Variants in ZMIZ1 observed in about 807,000 individuals in gnomAD.
ZMIZ1 encodes the protein zinc finger MIZ domain-containing protein 1.
Under a neutral mutation model 113.9 loss-of-function variants are expected in ZMIZ1, and 17 were observed. The observed-to-expected ratio is 0.15, with a 90% CI of 0.10 to 0.22. The LOEUF (loss-of-function observed/expected upper bound fraction) is 0.22. ZMIZ1 is among the 10% of genes least tolerant of loss of function. The pLI is 1.00. For missense variants in ZMIZ1, 1,059 were observed against 1,477.8 expected, an observed-to-expected ratio of 0.72 and a Z score of 4.65; for synonymous variants, 607 against 603.1, an observed-to-expected ratio of 1.01 and a Z score of -0.09.
At chr10:79,312,003 C>T (rs1054011959) in intron 24 of ZMIZ1, among the ~76,000 whole-genome samples, 2 of 152,222 alleles carry the variant, frequency 1.3e-5, no homozygotes, top group African/African-American at 2.4e-5. Context: ...CACTGTGCAG[C>T]CATCTCAGGT....
At chr10:79,172,136 C>T (rs1485665119) in intron 4 of ZMIZ1, among the ~76,000 whole-genome samples, 1 of 152,098 alleles carries the variant, frequency 6.6e-6, no homozygotes, top group Non-Finnish European at 1.5e-5. Context: ...AGCTCAGCCT[C>T]ATTCACTGGA....
chr10:79,315,762 G>A lies in ZMIZ1; in HGVS notation c.*3013G>A, dbSNP rs183600899. On this transcript the variant is annotated 3_prime_UTR_variant, in exon 25 of 25. Coordinates refer to ENST00000334512, the MANE Select transcript of ZMIZ1 (RefSeq NM_020338.4). ...TGTCAACAGCAGCGACTCAAGGGAC[G>A]TGTGTACATATGTAAATGAGAAATA... is the stretch of plus-strand genomic sequence containing the variant. 10 of 152,876 alleles carry A rather than the reference G, an allele frequency of 6.5e-5. No individual in the cohort carries two copies. The highest frequency in any genetic ancestry group is 1.4e-4 in the African/African-American group (6 of 41,568). The allele number at this position is 152,876 out of a possible 1,614,324, so 9.5% of individuals were successfully genotyped here.
rs1419304172 is a variant in ZMIZ1 at position 79,316,281 on chromosome 10, A to T, written c.*3532A>T. On this transcript the variant is annotated 3_prime_UTR_variant, in exon 25 of 25. Coordinates refer to ENST00000334512, the MANE Select transcript of ZMIZ1 (RefSeq NM_020338.4). ...TTTCATACTTTAAACTGGTCAAAAA[A>T]CTAATTGTGATTTCTAGTCTTGCAA... The T allele has an allele frequency of 6.6e-6, 1 of 152,602 alleles. No individual in the cohort carries two copies. Among genetic ancestry groups the T allele is most frequent in the East Asian group, 1.9e-4 (1 of 5,338 alleles). 9.5% of individuals were successfully genotyped at this position (152,602 alleles called of 1,614,324 possible).
At chr10:79,134,791 A>C (rs778282636) in intron 2 of ZMIZ1, among the ~76,000 whole-genome samples, 3 of 151,216 alleles carry the variant, frequency 2.0e-5, no homozygotes, top group Non-Finnish European at 3.0e-5. Context: ...AGGCTAAGTA[A>C]AAAAAAAAGT....
chr10:79,117,678 C>G (rs1462602300), intron 1 of ZMIZ1, among the ~76,000 whole-genome samples: 3 of 152,188 alleles, frequency 2.0e-5, no homozygotes, highest in Non-Finnish European at 1.5e-5. Flanking sequence ...GGGTAAGAGA[C>G]CCTTCCAAAC....
intron 1 of ZMIZ1, among the ~76,000 whole-genome samples, chr10:79,098,542 A>G (rs1418996170): frequency 1.3e-5 from 2 of 152,250 alleles, no homozygotes; most frequent in South Asian, 2.1e-4. Context: ...TGCCTGGTCC[A>G]TTGCAAGCAC....
intron 8 of ZMIZ1, among the ~76,000 whole-genome samples, chr10:79,284,104 A>C (rs1003847898): frequency 6.6e-6 from 1 of 152,250 alleles, no homozygotes; most frequent in Non-Finnish European, 1.5e-5. Context: ...ATGTGTGTGT[A>C]GATGCTGCCA....
At chr10:79,194,856 C>T (rs1018934496) in intron 4 of ZMIZ1, among the ~76,000 whole-genome samples, 1 of 152,224 alleles carries the variant, frequency 6.6e-6, no homozygotes, top group African/African-American at 2.4e-5. Flanking sequence ...TAGACACCCT[C>T]GCTCTGCTGG....
At chr10:79,188,545 C>G (rs773560596) in intron 4 of ZMIZ1, among the ~76,000 whole-genome samples, 1 of 152,168 alleles carries the variant, frequency 6.6e-6, no homozygotes, top group Non-Finnish European at 1.5e-5. Context: ...GGCTTCTCTT[C>G]GCACAGACGT....
intron 5 of ZMIZ1, among the ~76,000 whole-genome samples, chr10:79,207,851 T>G (rs1848384856): frequency 6.6e-6 from 1 of 151,856 alleles, no homozygotes; most frequent in South Asian, 2.1e-4. Context: ...TTGATGGCGG[T>G]GGCTGGGCAG....
At chr10:79,267,454 T>C (rs190937882) in intron 7 of ZMIZ1, among the ~76,000 whole-genome samples, 1 of 152,382 alleles carries the variant, frequency 6.6e-6, no homozygotes, top group African/African-American at 2.4e-5. Flanking sequence ...CATGTAATGC[T>C]TTCTACATGC....
At chr10:79,137,588 G>A (rs1168872905) in intron 2 of ZMIZ1, among the ~76,000 whole-genome samples, 3 of 152,336 alleles carry the variant, frequency 2.0e-5, no homozygotes, top group South Asian at 4.1e-4. Context: ...TACAGTGGTC[G>A]TTGAGTGGCT....
At chr10:79,166,928 C>T (rs146194973) in intron 4 of ZMIZ1, among the ~76,000 whole-genome samples, 100 of 152,358 alleles carry the variant, frequency 6.6e-4, no homozygotes, top group African/African-American at 2.2e-3. Flanking sequence ...TCAAAGTCAC[C>T]GCCATCTGGC....
At chr10:79,084,212 A>T (rs1455933838) in intron 1 of ZMIZ1, among the ~76,000 whole-genome samples, 1 of 152,188 alleles carries the variant, frequency 6.6e-6, no homozygotes, top group African/African-American at 2.4e-5. Context: ...CTCTCCCCTG[A>T]CACTCTCAGG....
chr10:79,115,999 G>C (rs909497256), intron 1 of ZMIZ1, among the ~76,000 whole-genome samples: 7 of 152,318 alleles, frequency 4.6e-5, no homozygotes, highest in African/African-American at 1.7e-4. Flanking sequence ...CATGGGTCTT[G>C]CAATTTTGTT....
At chr10:79,122,869 C>T (rs915471588) in intron 2 of ZMIZ1, among the ~76,000 whole-genome samples, 2 of 152,210 alleles carry the variant, frequency 1.3e-5, no homozygotes, top group African/African-American at 4.8e-5. Context: ...CCTCATCTTG[C>T]AGCATTTGGG....
chr10:79,252,536 C>G (rs1353329559), intron 7 of ZMIZ1, among the ~76,000 whole-genome samples: 1 of 152,166 alleles, frequency 6.6e-6, no homozygotes, highest in African/African-American at 2.4e-5. Flanking sequence ...CTGGACACCT[C>G]CCCAGTCTTG....
At chr10:79,291,928 C>T (rs1174469538) in intron 10 of ZMIZ1, among the ~76,000 whole-genome samples, 1 of 152,206 alleles carries the variant, frequency 6.6e-6, no homozygotes, top group Non-Finnish European at 1.5e-5. Flanking sequence ...GATGGGCTCA[C>T]CAGGGCCCCG....
chr10:79,259,443 T>C (rs1186856855), intron 7 of ZMIZ1, among the ~76,000 whole-genome samples: 1 of 152,120 alleles, frequency 6.6e-6, no homozygotes, highest in East Asian at 1.9e-4. Flanking sequence ...TGTGGCTTCT[T>C]CTGTTCCATG....
Sources: allele counts gnomAD v4.1 joint callset (sites outside exome capture counted in the v4.1 genomes callset), GRCh38; gene constraint gnomAD v4.1.1; transcripts MANE v1.5; gene names NCBI Gene and HGNC (gene_info 2026-07-23, HGNC 2026-07-21).